Variants in TMEM266 observed in about 807,000 individuals in gnomAD.
The protein encoded by TMEM266 is Hv1 related protein 1.
TMEM266 carries 33 observed loss-of-function variants against 50.5 expected under a neutral mutation model. The ratio of observed to expected loss-of-function variants is 0.65; its 90% confidence interval spans 0.50 to 0.87. The LOEUF (loss-of-function observed/expected upper bound fraction) is 0.87, where lower values mean the gene tolerates loss of function less well. Among genes scored for constraint, TMEM266 ranks in the 40% least tolerant of loss-of-function variants. The pLI, the probability that TMEM266 is intolerant of heterozygous loss-of-function variation, is 0.00. For synonymous variants in TMEM266, 310 were observed against 292.3 expected, an observed-to-expected ratio of 1.06 and a Z score of -0.62; for missense variants, 655 against 695.1, an observed-to-expected ratio of 0.94 and a Z score of 0.65.
At chr15:76,091,365 G>A (rs1419125000) in intron 1 of TMEM266, among the ~76,000 whole-genome samples, 2 of 152,048 alleles carry the variant, frequency 1.3e-5, no homozygotes, top group Non-Finnish European at 2.9e-5. Flanking sequence ...TTATGCAGCA[G>A]ACCCACAGAG....
chr15:76,175,771 G>A, intron 8 of TMEM266, 97 bp downstream of exon 8: 1 of 946,418 alleles, frequency 1.1e-6, no homozygotes, highest in South Asian at 1.5e-5. Flanking sequence ...GGCACCAGAG[G>A]TCAGGGAGTT....
intron 5 of TMEM266, among the ~76,000 whole-genome samples, chr15:76,166,507 T>C (rs927895692): frequency 6.6e-6 from 1 of 152,230 alleles, no homozygotes; most frequent in Non-Finnish European, 1.5e-5. Context: ...GGATTCTAGC[T>C]GTTTCACCTG....
intron 8 of TMEM266, chr15:76,176,027 C>G: frequency 4.8e-6 from 1 of 208,194 alleles, no homozygotes; most frequent in Non-Finnish European, 9.6e-6. Context: ...ATTCTGTCTG[C>G]TGAGGGTTGC....
chr15:76,169,767 G>C lies in TMEM266; in HGVS notation c.457-49G>C, dbSNP rs1331200406. ...AGTGCTGAGCTCTGGAATCTTCTCG[G>C]CTGGAGGAAGACCTGGAGAATAACC... On this transcript the variant is annotated intron_variant, in intron 5 of 10. Coordinates refer to ENST00000388942, the MANE Select transcript of TMEM266 (RefSeq NM_152335.3). 9 of 1,580,424 alleles carry C rather than the reference G, an allele frequency of 5.7e-6. No individual in the cohort carries two copies. In the Admixed American group the frequency reaches 1.5e-4, roughly 26 times the overall value.
chr15:76,152,192 C>T (rs2037854931), intron 3 of TMEM266, among the ~76,000 whole-genome samples: 1 of 152,168 alleles, frequency 6.6e-6, no homozygotes, highest in South Asian at 2.1e-4. Flanking sequence ...GTCGAGTCAC[C>T]CCCATGTGCC....
At chr15:76,111,692 G>A (rs1332175880) in intron 1 of TMEM266, among the ~76,000 whole-genome samples, 9 of 152,218 alleles carry the variant, frequency 5.9e-5, no homozygotes, top group South Asian at 2.1e-4. Flanking sequence ...ACAGGCATGC[G>A]CCACCATGCC....
chr15:76,155,620 T>A (rs2037912807), intron 3 of TMEM266, among the ~76,000 whole-genome samples: 1 of 152,184 alleles, frequency 6.6e-6, no homozygotes, highest in Admixed American at 6.5e-5. Context: ...GGGACCATGA[T>A]GATGCATAAG....
At chr15:76,082,584 A>G (rs1282975772) in intron 1 of TMEM266, among the ~76,000 whole-genome samples, 1 of 152,200 alleles carries the variant, frequency 6.6e-6, no homozygotes, top group East Asian at 1.9e-4. Flanking sequence ...CACCTCTGAT[A>G]GGATGCCTTT....
chr15:76,128,495 C>T (rs1396168450), intron 1 of TMEM266, among the ~76,000 whole-genome samples: 1 of 152,178 alleles, frequency 6.6e-6, no homozygotes, highest in Non-Finnish European at 1.5e-5. Flanking sequence ...CCAGTAAATC[C>T]AAAACAGGTT....
intron 1 of TMEM266, among the ~76,000 whole-genome samples, chr15:76,106,922 C>A (rs1034725089): frequency 4.6e-5 from 7 of 152,162 alleles, no homozygotes; most frequent in Admixed American, 1.3e-4. Flanking sequence ...TGTGTTCTTT[C>A]CTGCTTCTTC....
intron 2 of TMEM266, among the ~76,000 whole-genome samples, chr15:76,135,912 T>C (rs1270403669): frequency 6.6e-6 from 1 of 151,628 alleles, no homozygotes; most frequent in East Asian, 1.9e-4. Flanking sequence ...TATATTAATC[T>C]CTGAACTTCC....
At chr15:76,178,322 G>C (rs1596156188) in intron 8 of TMEM266, among the ~76,000 whole-genome samples, 1 of 152,132 alleles carries the variant, frequency 6.6e-6, no homozygotes, top group Non-Finnish European at 1.5e-5. Flanking sequence ...TTTAGGCAGA[G>C]GGGGCTGCAG....
At chr15:76,149,248 G>A (rs1321960667) in intron 3 of TMEM266, among the ~76,000 whole-genome samples, 1 of 152,224 alleles carries the variant, frequency 6.6e-6, no homozygotes, top group East Asian at 1.9e-4. Context: ...ATCATACACA[G>A]TGAGCCCATT....
At chr15:76,086,929 G>GGA (rs1555445649) in intron 1 of TMEM266, among the ~76,000 whole-genome samples, 1 of 33,904 alleles carries the variant, frequency 2.9e-5, no homozygotes, top group African/African-American at 1.0e-4. Flanking sequence ...GGAGCAGGTC[G>GGA]GGGGGGGGGC....
chr15:76,158,270 C>T (rs1056856303), intron 4 of TMEM266, among the ~76,000 whole-genome samples: 2 of 152,168 alleles, frequency 1.3e-5, no homozygotes, highest in East Asian at 3.9e-4. Flanking sequence ...GTCTGATAAG[C>T]CTAGTTGGGT....
intron 1 of TMEM266, among the ~76,000 whole-genome samples, chr15:76,081,562 G>C (rs1567143759): frequency 6.6e-6 from 1 of 152,192 alleles, no homozygotes. Context: ...AGTTGCCCTG[G>C]CTCCTCGCGG....
chr15:76,102,871 G>A (rs1437284244), intron 1 of TMEM266, among the ~76,000 whole-genome samples: 2 of 150,778 alleles, frequency 1.3e-5, no homozygotes, highest in Non-Finnish European at 3.0e-5. Context: ...CGGAGTCAGT[G>A]TGGCTAGAGA....
intron 1 of TMEM266, among the ~76,000 whole-genome samples, chr15:76,129,540 C>T (rs1474205493): frequency 6.6e-6 from 1 of 152,092 alleles, no homozygotes; most frequent in Non-Finnish European, 1.5e-5. Flanking sequence ...ACTCAGGAGG[C>T]TGAGGCAGGA....
intron 4 of TMEM266, among the ~76,000 whole-genome samples, 174 bp from the exon 5 acceptor site, chr15:76,159,921 A>G (rs147272405): frequency 2.2e-3 from 331 of 152,258 alleles, no homozygotes; most frequent in African/African-American, 7.8e-3. Flanking sequence ...TACTGCCTTC[A>G]CTGCAGACGC....
Sources: allele counts gnomAD v4.1 joint callset (sites outside exome capture counted in the v4.1 genomes callset), GRCh38; gene constraint gnomAD v4.1.1; transcripts MANE v1.5; gene names NCBI Gene and HGNC (gene_info 2026-07-23, HGNC 2026-07-21).